The following GUCY2D variants were observed in gnomAD, a reference collection of about 807,000 sequenced individuals.
GUCY2D encodes retinal guanylyl cyclase 1.
Under a neutral mutation model 101.3 loss-of-function variants are expected in GUCY2D, and 70 were observed. That is an observed-to-expected ratio of 0.69 (90% CI 0.57 to 0.84). The LOEUF (loss-of-function observed/expected upper bound fraction) is 0.84, where lower values mean the gene tolerates loss of function less well. Ranked by LOEUF, GUCY2D falls within the 40% of genes least tolerant of loss-of-function variation. GUCY2D has a pLI of 0.00. For synonymous variants in GUCY2D, 688 were observed against 670.7 expected, an observed-to-expected ratio of 1.03 and a Z score of -0.40; for missense variants, 1,460 against 1,542.5, an observed-to-expected ratio of 0.95 and a Z score of 0.90.
In GUCY2D at chr17:8,014,684, G is replaced by A. The variant is rs1430681738; in HGVS notation, c.2496G>A (p.Glu832=). ...TGGAGCAGTACTCTAGTAACCTGGA[G>A]GATCTGATCCGGGAGCGCACGGAGG... is the stretch of plus-strand genomic sequence containing the variant. ...RMLEQYSSNL[E]DLIRERTEEL... Residue 832 remains glutamate, a synonymous_variant, in exon 13 of 20, where the codon GAG becomes GAA. Transcript: ENST00000254854. The surrounding 1 kb of genome is among the most constrained non-coding windows in gnomAD (Gnocchi z 4.0). The A allele has an allele frequency of 3.1e-6, 5 of 1,613,900 alleles. No individual in the cohort carries two copies. The highest frequency in any genetic ancestry group is 1.7e-5 in the Admixed American group (1 of 59,998).
At position 8,010,428 on chromosome 17, in the gene GUCY2D, A is replaced by G. The variant is rs535365241; in HGVS notation, c.1749+842A>G. Reference sequence around the variant, plus strand: ...CCTTCTTCCCTGATTCCTCTACAGGAGCTCTTGGTCACAGATGCAGTGACT... The same window carrying G: ...CCTTCTTCCCTGATTCCTCTACAGGGGCTCTTGGTCACAGATGCAGTGACT... On this transcript the variant is annotated intron_variant, in intron 8 of 19. Transcript: ENST00000254854. Among the ~76,000 whole-genome samples the G allele has an allele frequency of 3.9e-5, 6 of 152,138 alleles. No individual in the cohort carries two copies. In the East Asian group the frequency reaches 1.2e-3, roughly 29 times the overall value.
At chr17:8,007,356 C>T (rs1975765246) in intron 5 of GUCY2D, 70 bp from the exon 6 acceptor site, 1 of 1,106,254 alleles carries the variant, frequency 9.0e-7, no homozygotes, top group Non-Finnish European at 1.4e-6. Context: ...TATCCCTCCC[C>T]CGCATCCCCT....
rs1346907904 is a variant in GUCY2D, at chr17:8,003,023, C to T, written c.-9-16C>T. 3.3e-6 allele frequency: 5 copies of T among 1,523,234 alleles called. No individual in the cohort carries two copies. In the Admixed American group the frequency reaches 8.0e-5, roughly 24 times the overall value. 94.4% of individuals were successfully genotyped at this position (1,523,234 alleles called of 1,614,324 possible). The stretch of plus-strand genomic sequence containing the variant: ...CGGGGTCTCAGTCGCTCAGCCTGCT[C>T]CGTCTGTGTTCGCAGAAGCCGGCAA... On this transcript the variant is annotated splice_polypyrimidine_tract_variant and intron_variant, in intron 1 of 19. Coordinates refer to ENST00000254854, the MANE Select transcript of GUCY2D (RefSeq NM_000180.4).
At chr17:8,005,419 TG>T (rs780880744) in intron 3 of GUCY2D, among the ~76,000 whole-genome samples, 3 of 152,174 alleles carry the variant, frequency 2.0e-5, no homozygotes, top group Non-Finnish European at 4.4e-5. Context: ...CCTCTCCACA[TG>T]GCTTACCAGG....
In GUCY2D at chr17:8,016,486, C is replaced by T. The variant is rs780510809; in HGVS notation, c.3268C>T (p.Arg1090Trp). The T allele has an allele frequency of 1.9e-6, 3 of 1,581,316 alleles. No individual in the cohort carries two copies. Among genetic ancestry groups the T allele is most frequent in the Middle Eastern group, 1.7e-4 (1 of 6,026 alleles). The change falls in exon 19 of 20, where the codon CGG becomes TGG. Residue 1090 changes from arginine (R) to tryptophan (W), a missense_variant. Transcript: ENST00000254854. ...GISLQEIPPE[R>W]RRKLEKARPG... ...CAGCCTGCAGGAGATCCCACCCGAG[C>T]GGCGACGGAAGCTGGAGAAGGCGCG...
At chr17:8,016,164 C>T (rs1277611909) in intron 17 of GUCY2D, 41 bp from the exon 18 acceptor site, 5 of 1,415,274 alleles carry the variant, frequency 3.5e-6, no homozygotes, top group South Asian at 2.4e-5. Flanking sequence ...CACCCCTCAC[C>T]CCAGTCCGCC....
chr17:8,014,368 T>A lies in GUCY2D; in HGVS notation c.2413-233T>A, dbSNP rs554451844. On this transcript the variant is annotated intron_variant, in intron 12 of 19. Transcript: ENST00000254854. This position sits in a 1 kb window ranked among gnomAD's most constrained non-coding sequence, Gnocchi z 4.0. Reference sequence around the variant, plus strand: ...GGGCTGGCTCCAGTGCCCTGTCAATTACTAGCTGAGATCAACTGACCTCTG... The same window carrying A: ...GGGCTGGCTCCAGTGCCCTGTCAATAACTAGCTGAGATCAACTGACCTCTG... The A allele has an allele frequency of 3.1e-5, 19 of 618,256 alleles. No individual in the cohort carries two copies. In the South Asian group the frequency reaches 3.3e-4, roughly 11 times the overall value. The allele number at this position is 618,256 out of a possible 1,614,324, so 38.3% of individuals were successfully genotyped here. A position where few individuals can be genotyped will look rare whatever the true frequency, so the allele number is the denominator to read the frequency against.
At chr17:8,006,126 G>A (rs1215229478) in intron 3 of GUCY2D, among the ~76,000 whole-genome samples, 1 of 152,016 alleles carries the variant, frequency 6.6e-6, no homozygotes, top group Non-Finnish European at 1.5e-5. Context: ...AGGTGTGACA[G>A]CCAATAGGAG....
rs1445534268 is a variant in GUCY2D, at chr17:8,008,063, A to T, written c.1668+31A>T. On this transcript the variant is annotated intron_variant, in intron 7 of 19. Transcript: ENST00000254854. ...CCTGACCCCAGCCAGACAGAGAGAC[A>T]GTGGGGGAAGAATGCTCAGGCCCTG... is the stretch of plus-strand genomic sequence containing the variant. 7.3e-6 allele frequency: 10 copies of T among 1,364,108 alleles called. No homozygotes were observed. The East Asian group carries it at 2.3e-4, about 31-fold the overall frequency. The allele number at this position is 1,364,108 out of a possible 1,614,324, so 84.5% of individuals were successfully genotyped here.
At position 8,014,829 on chromosome 17, in the gene GUCY2D, C is replaced by T; in HGVS notation, c.2577-30C>T. 6.2e-7 allele frequency: 1 copy of T among 1,613,688 alleles called. No homozygotes were observed. The highest frequency in any genetic ancestry group is 2.2e-5 in the East Asian group (1 of 44,882). The stretch of plus-strand genomic sequence containing the variant: ...GGAGCCCAGCCAGGTAGAGTGGCCC[C>T]CAGGTGACCTCACTGCCTGCCATCC... On this transcript the variant is annotated intron_variant, in intron 13 of 19. Transcript: ENST00000254854. The surrounding 1 kb of genome is among the most constrained non-coding windows in gnomAD (Gnocchi z 4.0).
Position 8,012,262 on chromosome 17 carries a change from C to T in GUCY2D, c.1868C>T (p.Thr623Met), listed in dbSNP as rs370742162. 34 of 1,613,378 alleles carry T rather than the reference C, an allele frequency of 2.1e-5. No individual in the cohort carries two copies. The highest frequency in any genetic ancestry group is 2.0e-4 in the East Asian group (9 of 44,878). ...CTGGCTGTGGTCTCAGAGCACTGCA[C>T]GCGGGGCTCTCTTCAGGACCTCCTC... is the stretch of plus-strand genomic sequence containing the variant. ...GNLAVVSEHC[T>M]RGSLQDLLAQ... The change falls in exon 9 of 20, where the codon ACG becomes ATG. Residue 623 changes from threonine to methionine, a missense_variant. Physicochemically the swap from Thr to Met is moderately conservative, Grantham distance 81 (BLOSUM62 -1). Coordinates refer to ENST00000254854, the MANE Select transcript of GUCY2D (RefSeq NM_000180.4).
At chr17:8,020,037 C>T (rs1430206810) in intron 19 of GUCY2D, 91 bp from the exon 20 acceptor site, 1 of 150,924 alleles carries the variant, frequency 6.6e-6, no homozygotes, top group African/African-American at 2.4e-5. Flanking sequence ...ATAGCTGCTG[C>T]TTCAATCCCA....
At position 8,012,000 on chromosome 17, in the gene GUCY2D, C is replaced by T. The variant is rs1441951489; in HGVS notation, c.1750-144C>T. 3.0e-5 allele frequency: 20 copies of T among 675,388 alleles called. No homozygotes were observed. The highest frequency in any genetic ancestry group is 6.9e-5 in the Admixed American group (3 of 43,420). The allele number at this position is 675,388 out of a possible 1,614,324, so 41.8% of individuals were successfully genotyped here. On this transcript the variant is annotated intron_variant, in intron 8 of 19. Coordinates refer to ENST00000254854, the MANE Select transcript of GUCY2D (RefSeq NM_000180.4). This position sits in a 1 kb window ranked among gnomAD's most constrained non-coding sequence, Gnocchi z 4.3. ...AGGACTATGTGTAGAAGAGAGCCCC[C>T]GTACATACCTTATCAACCATTTCAT...
At chr17:8,009,308 C>A (rs1225607886) in intron 7 of GUCY2D, among the ~76,000 whole-genome samples, 198 bp from the exon 8 acceptor site, 1 of 152,218 alleles carries the variant, frequency 6.6e-6, no homozygotes, top group Non-Finnish European at 1.5e-5. Context: ...GAATCTCTGT[C>A]ATCCAGGGGT....
In GUCY2D at chr17:8,013,941, G is replaced by C. The variant is rs368384232; in HGVS notation, c.2325G>C (p.Gln775His). ...GTCGGCCCTTGGTGTCCATGGACCAGGCACCTGTCGAGTGTATCCTCCTGA... is the reference window on the plus strand; with the variant it reads ...GTCGGCCCTTGGTGTCCATGGACCACGCACCTGTCGAGTGTATCCTCCTGA... ...PLCRPLVSMD[Q>H]APVECILLMK... The change falls in exon 12 of 20, where the codon CAG (glutamine) becomes CAC (histidine). Residue 775 changes from glutamine to histidine, a missense_variant. This residue lies in a region of GUCY2D where 1,196 missense variants were observed against 1,229.6 expected (regional missense o/e 0.97). Transcript: ENST00000254854. This position sits in a 1 kb window ranked among gnomAD's most constrained non-coding sequence, Gnocchi z 5.0. The C allele has an allele frequency of 1.9e-6, 3 of 1,613,588 alleles. No individual in the cohort carries two copies. In the Admixed American group the frequency reaches 5.0e-5, roughly 27 times the overall value.
chr17:8,007,184 C>A, intron 5 of GUCY2D, 40 bp downstream of exon 5: 1 of 1,457,438 alleles, frequency 6.9e-7, no homozygotes, highest in Non-Finnish European at 9.6e-7. Flanking sequence ...TGAGCTTGTG[C>A]CAGAAATGGA....
In GUCY2D at chr17:8,019,857, G is replaced by A. The variant is rs118140564; in HGVS notation, c.*25-271G>A. On this transcript the variant is annotated intron_variant, in intron 19 of 19. Coordinates refer to ENST00000254854, the MANE Select transcript of GUCY2D (RefSeq NM_000180.4). ...TCCTGTGGCCTGGGCAACTCCCAGC[G>A]CATGAGAGCACCGGGGCCTGGCTTG... Among the ~76,000 whole-genome samples, 201 of 152,256 alleles carry A rather than the reference G, an allele frequency of 1.3e-3. 4 individuals carry two copies. The East Asian group carries it at 0.033, about 25-fold the overall frequency.
At chr17:8,009,607 G>A in intron 8 of GUCY2D, 21 bp downstream of exon 8, 2 of 1,535,292 alleles carry the variant, frequency 1.3e-6, no homozygotes, top group Non-Finnish European at 1.8e-6. Context: ...GGCCTGTGAT[G>A]GGGCCTAGGT....
At chr17:8,018,972 C>G (rs1408585383) in intron 19 of GUCY2D, among the ~76,000 whole-genome samples, 1 of 151,904 alleles carries the variant, frequency 6.6e-6, no homozygotes, top group Non-Finnish European at 1.5e-5. Context: ...GGTGATGTTG[C>G]TACAGAGAGC....
Sources: gnomAD v4.1 joint callset for allele counts (sites outside exome capture counted in the v4.1 genomes callset) on GRCh38, gnomAD v4.1.1 for gene constraint, gnomAD v4.1.1 regional missense constraint, Gnocchi (gnomAD v3.1) non-coding constraint, MANE v1.5 for transcripts, NCBI Gene and HGNC (gene_info 2026-07-23, HGNC 2026-07-21) for gene names.